The following RRN3 variants were observed in gnomAD, a reference collection of about 807,000 sequenced individuals.
The protein encoded by RRN3 is RNA polymerase I transcription factor RRN3.
RRN3 carries 38 observed loss-of-function variants against 82.3 expected under a neutral mutation model. That is an observed-to-expected ratio of 0.46 (90% CI 0.36 to 0.61). The LOEUF is 0.61. Among genes scored for constraint, RRN3 ranks in the 20% least tolerant of loss-of-function variants. The pLI, the probability that RRN3 is intolerant of heterozygous loss-of-function variation, is 0.00. For synonymous variants in RRN3, 284 were observed against 284.3 expected, an observed-to-expected ratio of 1.00 and a Z score of 0.01; for missense variants, 726 against 793.1, an observed-to-expected ratio of 0.92 and a Z score of 1.02.
At chr16:15,075,245 C>T (rs1323991683) in intron 10 of RRN3, among the ~76,000 whole-genome samples, 1 of 147,734 alleles carries the variant, frequency 6.8e-6, no homozygotes, top group Non-Finnish European at 1.5e-5. Flanking sequence ...GACTCTGTGC[C>T]CCACCAAAAA....
intron 9 of RRN3, 121 bp downstream of exon 9, chr16:15,079,877 G>T: frequency 1.7e-6 from 2 of 1,190,576 alleles, no homozygotes; most frequent in Non-Finnish European, 2.3e-6. Context: ...GAATACAGGC[G>T]TGAGTCACCA....
chr16:15,070,747 G>T (rs1028617655), intron 13 of RRN3, among the ~76,000 whole-genome samples: 1 of 151,802 alleles, frequency 6.6e-6, no homozygotes, highest in Non-Finnish European at 1.5e-5. Context: ...TCCTAGATAG[G>T]TCTATTACCT....
At chr16:15,089,660 G>T (rs147836252) in intron 3 of RRN3, among the ~76,000 whole-genome samples, 1 of 151,432 alleles carries the variant, frequency 6.6e-6, no homozygotes, top group Non-Finnish European at 1.5e-5. Flanking sequence ...ATTAGCTGGC[G>T]GTGGTGGCGG....
At chr16:15,080,839 T>G (rs1157636853) in intron 8 of RRN3, among the ~76,000 whole-genome samples, 2 of 144,912 alleles carry the variant, frequency 1.4e-5, no homozygotes, top group Non-Finnish European at 3.1e-5. Context: ...TCTTTGACAT[T>G]TCATATAAAT....
At chr16:15,084,585 A>G (rs2045839751) in intron 7 of RRN3, 57 bp downstream of exon 7, 1 of 1,213,406 alleles carries the variant, frequency 8.2e-7, no homozygotes, top group East Asian at 2.5e-5. Flanking sequence ...AATTTTTACT[A>G]ATTGATTACA....
chr16:15,063,822 A>T (rs2044832652), intron 16 of RRN3, among the ~76,000 whole-genome samples: 2 of 152,144 alleles, frequency 1.3e-5, no homozygotes, highest in Admixed American at 1.3e-4. Flanking sequence ...TGGAGTATTG[A>T]ACTACCGTTT....
At chr16:15,091,916 C>T (rs1272667896) in intron 2 of RRN3, among the ~76,000 whole-genome samples, 1 of 152,156 alleles carries the variant, frequency 6.6e-6, no homozygotes, top group East Asian at 1.9e-4. Context: ...TGGTGGCTCA[C>T]GTCTGTAATC....
rs145596670 is a variant in RRN3 at position 15,062,411 on chromosome 16, T to C, written c.1795-506A>G. 8.4e-3 allele frequency among the ~76,000 whole-genome samples: 1,285 copies of C among 152,276 alleles called. 69 individuals carry two copies. The highest frequency in any genetic ancestry group is 0.076 in the Admixed American group (1,166 of 15,290). Reference sequence around the variant, plus strand: ...AAAGATGAAAGGGGCTTTCCAATGATTACTTATTAAAAACAACAACAAAAA... The same window carrying C: ...AAAGATGAAAGGGGCTTTCCAATGACTACTTATTAAAAACAACAACAAAAA... On this transcript the variant is annotated intron_variant, in intron 17 of 17. Transcript: ENST00000198767.
chr16:15,088,600 AAAG>A (rs1223340357), intron 3 of RRN3, among the ~76,000 whole-genome samples: 1 of 152,004 alleles, frequency 6.6e-6, no homozygotes, highest in Non-Finnish European at 1.5e-5. Flanking sequence ...TGTATCTGGG[AAAG>A]AAGGCAGGGG....
In RRN3 at chr16:15,080,154, T is replaced by A. The variant is rs2045638740; in HGVS notation, c.667-58A>T. 1.1e-5 allele frequency: 17 copies of A among 1,524,010 alleles called. No individual in the cohort carries two copies. In the South Asian group the frequency reaches 2.0e-4, roughly 18 times the overall value. 94.4% of individuals were successfully genotyped at this position (1,524,010 alleles called of 1,614,324 possible). On this transcript the variant is annotated intron_variant, in intron 8 of 17. Transcript: ENST00000198767. The stretch of plus-strand genomic sequence containing the variant: ...ACAGAGAATAAACGTTTCACAGTTA[T>A]GTAAGCAAAACATCAATTACATGAC...
chr16:15,077,767 G>C (rs993903438), intron 9 of RRN3, among the ~76,000 whole-genome samples: 3 of 152,234 alleles, frequency 2.0e-5, no homozygotes, highest in Admixed American at 1.3e-4. Flanking sequence ...CTTGAACCCC[G>C]GAGGTGGAGG....
chr16:15,072,688 C>T (rs1000454839), intron 12 of RRN3, among the ~76,000 whole-genome samples: 2 of 151,874 alleles, frequency 1.3e-5, no homozygotes, highest in Non-Finnish European at 2.9e-5. Flanking sequence ...TCCCAGCTAT[C>T]GAGAGGGTAA....
chr16:15,072,726 G>A (rs2045289007), intron 12 of RRN3, among the ~76,000 whole-genome samples: 1 of 152,136 alleles, frequency 6.6e-6, no homozygotes, highest in African/African-American at 2.4e-5. Flanking sequence ...AGCCCAAGAG[G>A]TGGAGGTTGC....
chr16:15,091,348 C>T lies in RRN3; in HGVS notation c.219G>A (p.Leu73=), dbSNP rs760693768. The change falls in exon 3 of 18, where the codon TTG becomes TTA. Residue 73 remains leucine (L), a synonymous_variant. Coordinates refer to ENST00000198767, the MANE Select transcript of RRN3 (RefSeq NM_018427.5). Reference sequence around the variant, plus strand: ...CTGGATCTAACAGCTGGTTCTTCAACAACTCAAAGTCATTTGTTTCACCCT... The same window carrying T: ...CTGGATCTAACAGCTGGTTCTTCAATAACTCAAAGTCATTTGTTTCACCCT... ...YKKGETNDFE[L]LKNQLLDPDI... is the part of the protein sequence containing the mutation. The T allele has an allele frequency of 7.5e-6, 12 of 1,590,064 alleles. No individual in the cohort carries two copies. Among genetic ancestry groups the T allele is most frequent in the Non-Finnish European group, 7.7e-6 (9 of 1,164,242 alleles).
At chr16:15,086,846 C>A (rs2045932845) in intron 3 of RRN3, among the ~76,000 whole-genome samples, 1 of 152,122 alleles carries the variant, frequency 6.6e-6, no homozygotes. Flanking sequence ...TTCAAGCTGA[C>A]CAGGAAGCAT....
In RRN3 at chr16:15,076,637, C is replaced by T. The variant is rs369611603; in HGVS notation, c.779G>A (p.Arg260Gln). The change falls in exon 10 of 18, where the codon CGG becomes CAG. Residue 260 changes from arginine to glutamine, a missense_variant. This residue lies in a region of RRN3 where 344 missense variants were observed against 394.5 expected (regional missense o/e 0.87). Coordinates refer to ENST00000198767, the MANE Select transcript of RRN3 (RefSeq NM_018427.5). The stretch of plus-strand genomic sequence containing the variant: ...TTCTTCAGCATCTTCAATACCCTGC[C>T]GGGATGCATTCACCTATAACAAAGG... Reference protein sequence around the residue: ...KLLKLDVNASRQGIEDAEETA... With the variant: ...KLLKLDVNASQQGIEDAEETA... 2.5e-5 allele frequency: 41 copies of T among 1,608,576 alleles called. No homozygotes were observed. The highest frequency in any genetic ancestry group is 8.9e-5 in the East Asian group (4 of 44,852).
Position 15,091,364 on chromosome 16 carries a change from G to C in RRN3, c.203C>G (p.Thr68Arg). 4 of 1,588,654 alleles carry C rather than the reference G, an allele frequency of 2.5e-6. No individual in the cohort carries two copies. The highest frequency in any genetic ancestry group is 2.3e-4 in the Middle Eastern group (1 of 4,390). Residue 68 changes from threonine (T) to arginine (R), a missense_variant, in exon 3 of 18, where the codon ACA becomes AGA. Thr to Arg is a moderately conservative substitution (Grantham distance 71). Around this residue, in one of 4 missense-constraint regions of RRN3, gnomAD observed 135 missense variants for 87.4 expected, o/e 1.55. Transcript: ENST00000198767. The part of the protein sequence containing the change: ...EVLLKYKKGE[T>R]NDFELLKNQL... Reference sequence around the variant, plus strand: ...GTTCTTCAACAACTCAAAGTCATTTGTTTCACCCTTAACAAGAAGGGGAAA... The same window carrying C: ...GTTCTTCAACAACTCAAAGTCATTTCTTTCACCCTTAACAAGAAGGGGAAA...
intron 9 of RRN3, among the ~76,000 whole-genome samples, chr16:15,079,104 C>G (rs1597949556): frequency 6.6e-6 from 1 of 152,236 alleles, no homozygotes; most frequent in East Asian, 1.9e-4. Context: ...GCCACCACGC[C>G]CGGCCTCCTC....
chr16:15,077,387 C>T (rs539609956), intron 9 of RRN3, among the ~76,000 whole-genome samples: 2 of 152,160 alleles, frequency 1.3e-5, no homozygotes, highest in South Asian at 4.2e-4. Flanking sequence ...ATACTGTTCT[C>T]GTGATAGTGA....
Sources: gnomAD v4.1 joint callset for allele counts (sites outside exome capture counted in the v4.1 genomes callset) on GRCh38, gnomAD v4.1.1 for gene constraint, gnomAD v4.1.1 regional missense constraint, MANE v1.5 for transcripts, NCBI Gene and HGNC (gene_info 2026-07-23, HGNC 2026-07-21) for gene names.